The following ZPBP variants were observed in gnomAD, a reference collection of about 807,000 sequenced individuals.
ZPBP encodes the protein zona pellucida-binding protein 1.
ZPBP carries 26 observed loss-of-function variants against 44.8 expected under a neutral mutation model. That is an observed-to-expected ratio of 0.58 (90% CI 0.43 to 0.81). The LOEUF (loss-of-function observed/expected upper bound fraction) is 0.81. ZPBP is among the 30% of genes least tolerant of loss of function. ZPBP has a pLI of 0.00. For missense variants in ZPBP, 409 were observed against 434.0 expected (o/e 0.94, Z 0.51); for synonymous variants, 174 against 153.2 (o/e 1.14, Z -1.00).
intron 2 of ZPBP, 116 bp from the exon 3 acceptor site, chr7:50,082,015 C>T: frequency 8.4e-7 from 1 of 1,189,228 alleles, no homozygotes; most frequent in Non-Finnish European, 1.2e-6. Flanking sequence ...TGAATTATTG[C>T]TCCTATTACT....
At chr7:50,038,182 C>T (rs1308528119) in intron 4 of ZPBP, among the ~76,000 whole-genome samples, 1 of 152,202 alleles carries the variant, frequency 6.6e-6, no homozygotes, top group Non-Finnish European at 1.5e-5. Context: ...AAGCAGCACA[C>T]CACTGTCCCC....
chr7:49,978,084 T>G lies in ZPBP; in HGVS notation c.961+5258A>C, dbSNP rs201478067. ...GTTTGTTTGTTTTTGGTTTTTTGTT[T>G]TTTTTTTTTTGAAAAACTAGCAGAA... On this transcript the variant is annotated intron_variant, in intron 7 of 7. Transcript: ENST00000046087. Among the ~76,000 whole-genome samples, 1,429 of 150,002 alleles carry G rather than the reference T, an allele frequency of 9.5e-3. 19 individuals carry two copies. The highest frequency in any genetic ancestry group is 0.032 in the African/African-American group (1,302 of 41,106).
At chr7:50,024,620 GAATA>G (rs1799242921) in intron 5 of ZPBP, among the ~76,000 whole-genome samples, 1 of 151,756 alleles carries the variant, frequency 6.6e-6, no homozygotes, top group Non-Finnish European at 1.5e-5. Flanking sequence ...AAAAAACATT[GAATA>G]CATAAAAGCA....
At chr7:49,966,324 A>T (rs1456175619) in intron 7 of ZPBP, among the ~76,000 whole-genome samples, 4 of 152,034 alleles carry the variant, frequency 2.6e-5, no homozygotes, top group Admixed American at 6.6e-5. Flanking sequence ...TCTGTCTCTC[A>T]CTCTCTCTCA....
chr7:49,982,173 A>AT (rs1403825021), intron 7 of ZPBP, among the ~76,000 whole-genome samples: 1 of 97,262 alleles, frequency 1.0e-5, no homozygotes, highest in African/African-American at 4.3e-5. Flanking sequence ...TATATTATAT[A>AT]TATATAATTT....
intron 1 of ZPBP, among the ~76,000 whole-genome samples, chr7:50,090,529 ATATG>A (rs1442288986): frequency 4.0e-5 from 6 of 151,674 alleles, no homozygotes; most frequent in African/African-American, 1.2e-4. Flanking sequence ...ATGTGTATAT[ATATG>A]TGTGTATATA....
chr7:50,068,747 A>G (rs924007511), intron 3 of ZPBP, among the ~76,000 whole-genome samples: 9 of 152,184 alleles, frequency 5.9e-5, no homozygotes, highest in Admixed American at 1.3e-4. Flanking sequence ...AACTTCTGCA[A>G]TTTATGCCTG....
chr7:49,895,139 T>G (rs2128732167), intron 2 of ZPBP, among the ~76,000 whole-genome samples: 1 of 152,296 alleles, frequency 6.6e-6, no homozygotes, highest in South Asian at 2.1e-4. Context: ...CACTTGCAGA[T>G]TTGGTGTTTG....
At chr7:50,061,376 C>T (rs1282437324) in intron 3 of ZPBP, among the ~76,000 whole-genome samples, 1 of 152,056 alleles carries the variant, frequency 6.6e-6, no homozygotes, top group East Asian at 1.9e-4. Flanking sequence ...AAATTATCTG[C>T]CTTCACAGAC....
Position 50,091,342 on chromosome 7 carries a change from C to T in ZPBP, c.128-1633G>A, listed in dbSNP as rs144492890. Reference sequence around the variant, plus strand: ...AAAAGCTCTTTAGTTTAATTAAGTCCGACATATTTGTCCTTGTTTTTGTTG... The same window carrying T: ...AAAAGCTCTTTAGTTTAATTAAGTCTGACATATTTGTCCTTGTTTTTGTTG... On this transcript the variant is annotated intron_variant, in intron 1 of 7. Coordinates refer to ENST00000046087, the MANE Select transcript of ZPBP (RefSeq NM_007009.3). Among the ~76,000 whole-genome samples the T allele has an allele frequency of 2.4e-3, 370 of 152,162 alleles. 1 individual carries two copies. The highest frequency in any genetic ancestry group is 8.2e-3 in the African/African-American group (342 of 41,518).
intron 4 of ZPBP, among the ~76,000 whole-genome samples, chr7:50,039,080 G>C (rs1799954281): frequency 6.6e-6 from 1 of 152,070 alleles, no homozygotes; most frequent in Non-Finnish European, 1.5e-5. Context: ...ACTGGAAAAA[G>C]GGAAGCAACA....
chr7:49,970,163 G>A (rs117987968), intron 7 of ZPBP, among the ~76,000 whole-genome samples: 329 of 152,146 alleles, frequency 2.2e-3, no homozygotes, highest in Non-Finnish European at 3.6e-3. Flanking sequence ...TCTGGCCTAT[G>A]TTAATAAACT....
At chr7:49,855,735 G>A (rs1790392094) in intron 2 of ZPBP, among the ~76,000 whole-genome samples, 1 of 152,168 alleles carries the variant, frequency 6.6e-6, no homozygotes, top group Admixed American at 6.5e-5. Context: ...GGCCAGTTCA[G>A]TGCTTGGCCT....
At chr7:49,947,214 T>C (rs1466246763) in intron 7 of ZPBP, among the ~76,000 whole-genome samples, 2 of 152,278 alleles carry the variant, frequency 1.3e-5, no homozygotes, top group African/African-American at 4.8e-5. Context: ...TTTAGTTCAT[T>C]TGATGAGGTC....
intron 3 of ZPBP, among the ~76,000 whole-genome samples, chr7:50,060,921 T>G (rs1185111266): frequency 1.3e-5 from 2 of 152,144 alleles, no homozygotes; most frequent in Non-Finnish European, 2.9e-5. Flanking sequence ...AACAAAATAC[T>G]AGCATAGCAA....
intron 2 of ZPBP, among the ~76,000 whole-genome samples, chr7:49,898,602 TAC>T (rs950143512): frequency 2.6e-5 from 4 of 151,938 alleles, no homozygotes; most frequent in Admixed American, 1.3e-4. Flanking sequence ...ATCATAAGCA[TAC>T]ACACACACAT....
At chr7:50,040,653 G>A (rs763692183) in intron 4 of ZPBP, among the ~76,000 whole-genome samples, 8 of 152,138 alleles carry the variant, frequency 5.3e-5, no homozygotes, top group Non-Finnish European at 7.3e-5. Flanking sequence ...GACAGTCTTC[G>A]CAACCTGCAG....
At chr7:49,844,653 G>A in the ZPBP span, among the ~76,000 whole-genome samples, 5 of 152,250 alleles carry the variant, frequency 3.3e-5, 1 homozygote, top group South Asian at 1.0e-3. Context: ...GATCTGACAC[G>A]TAGCAGCCAC....
At chr7:49,968,789 T>C (rs1278833233) in intron 7 of ZPBP, among the ~76,000 whole-genome samples, 3 of 152,030 alleles carry the variant, frequency 2.0e-5, no homozygotes, top group Non-Finnish European at 2.9e-5. Context: ...TAATAATTAC[T>C]GTTAATAATA....
Sources: allele counts gnomAD v4.1 joint callset (sites outside exome capture counted in the v4.1 genomes callset), GRCh38; gene constraint gnomAD v4.1.1; transcripts MANE v1.5; gene names NCBI Gene and HGNC (gene_info 2026-07-23, HGNC 2026-07-21).